Variants in ADAM22 observed in about 807,000 individuals in gnomAD.
ADAM22 encodes disintegrin and metalloproteinase domain-containing protein 22.
A neutral mutation model predicts 144.6 loss-of-function variants in ADAM22; 65 were observed. The ratio of observed to expected loss-of-function variants is 0.45; its 90% confidence interval spans 0.37 to 0.55. ADAM22 has a LOEUF of 0.55. Among genes scored for constraint, ADAM22 ranks in the 20% least tolerant of loss-of-function variants. The probability of loss-of-function intolerance (pLI) is 0.00; values close to 1 mark genes in which losing one functional copy is unlikely to be tolerated. For missense variants in ADAM22, 974 were observed against 1,184.9 expected (o/e 0.82, Z 2.61); for synonymous variants, 391 against 412.6 (o/e 0.95, Z 0.63).
chr7:88,069,423 A>G (rs1355454814), intron 3 of ADAM22, among the ~76,000 whole-genome samples: 1 of 152,148 alleles, frequency 6.6e-6, no homozygotes, highest in Non-Finnish European at 1.5e-5. Flanking sequence ...GCAGCACAAA[A>G]CAGACTAAGA....
chr7:88,068,316 T>G (rs1811826906), intron 3 of ADAM22, among the ~76,000 whole-genome samples: 1 of 152,182 alleles, frequency 6.6e-6, no homozygotes, highest in South Asian at 2.1e-4. Flanking sequence ...ATAATGAAAT[T>G]TGGATCCTTA....
At chr7:88,046,931 A>G (rs554922524) in intron 3 of ADAM22, among the ~76,000 whole-genome samples, 9 of 151,806 alleles carry the variant, frequency 5.9e-5, no homozygotes, top group African/African-American at 2.2e-4. Context: ...TAATAGTGGA[A>G]TGTGGTTGTT....
In ADAM22 at chr7:87,978,345, G is replaced by A; in HGVS notation, c.256G>A (p.Val86Ile). 1 of 1,613,148 alleles carries A rather than the reference G, an allele frequency of 6.2e-7. No individual in the cohort carries two copies. The highest frequency in any genetic ancestry group is 8.5e-7 in the Non-Finnish European group (1 of 1,179,582). Residue 86 changes from valine to isoleucine, a missense_variant, in exon 3 of 32, where the codon GTT (valine) becomes ATT (isoleucine). By Grantham distance (29) the Val-to-Ile change is conservative. Around this residue, in one of 2 missense-constraint regions of ADAM22, gnomAD observed 240 missense variants for 234.3 expected, o/e 1.02. Coordinates refer to ENST00000413139, the MANE Select transcript of ADAM22 (RefSeq NM_001324418.2). ...GDLGGPQLTH[V>I]DQASFQVDAF... is the part of the protein sequence containing the mutation. ...CTTTTTGATATTGTAGTTGACTCATGTTGACCAAGCAAGCTTCCAGGTTGA... is the reference window on the plus strand; with the variant it reads ...CTTTTTGATATTGTAGTTGACTCATATTGACCAAGCAAGCTTCCAGGTTGA...
In ADAM22 at chr7:88,075,682, T is replaced by A; in HGVS notation, c.380T>A (p.Val127Glu). The A allele has an allele frequency of 6.2e-7, 1 of 1,613,544 alleles. No individual in the cohort carries two copies. Among genetic ancestry groups the A allele is most frequent in the Non-Finnish European group, 8.5e-7 (1 of 1,179,784 alleles). Reference sequence around the variant, plus strand: ...CACATTGAACATGGAGGCAAGACTGTGGAAGTTAAAGTAAGTGAAATTTTC... The same window carrying A: ...CACATTGAACATGGAGGCAAGACTGAGGAAGTTAAAGTAAGTGAAATTTTC... ...ERHIEHGGKT[V>E]EVKGGEHCYY... The change falls in exon 4 of 32, where the codon GTG becomes GAG. Residue 127 changes from valine to glutamate, a missense_variant. By Grantham distance (121) the Val-to-Glu change is moderately radical. Coordinates refer to ENST00000413139, the MANE Select transcript of ADAM22 (RefSeq NM_001324418.2).
At chr7:88,108,115 A>C (rs1278876063) in intron 4 of ADAM22, 61 bp from the exon 5 acceptor site, 6 of 1,412,048 alleles carry the variant, frequency 4.2e-6, no homozygotes, top group Non-Finnish European at 5.9e-6. Context: ...ACCTCCTGTG[A>C]AATGAAGCAG....
intron 15 of ADAM22, 53 bp downstream of exon 15, chr7:88,143,178 A>G: frequency 1.6e-6 from 2 of 1,229,484 alleles, no homozygotes; most frequent in South Asian, 2.6e-5. Flanking sequence ...CCTTTCTAAA[A>G]TATTACAAAT....
At chr7:88,106,245 C>T (rs1272254710) in intron 4 of ADAM22, among the ~76,000 whole-genome samples, 1 of 152,082 alleles carries the variant, frequency 6.6e-6, no homozygotes, top group Non-Finnish European at 1.5e-5. Flanking sequence ...CAACCGCAAC[C>T]CTCAGTTCAT....
intron 22 of ADAM22, among the ~76,000 whole-genome samples, chr7:88,159,487 C>T (rs1002682895): frequency 6.6e-6 from 1 of 152,114 alleles, no homozygotes; most frequent in Non-Finnish European, 1.5e-5. Flanking sequence ...CCTTGATGAA[C>T]ATTGATTCAG....
chr7:88,167,348 A>G (rs1843181371), intron 24 of ADAM22, among the ~76,000 whole-genome samples: 3 of 152,238 alleles, frequency 2.0e-5, no homozygotes, highest in African/African-American at 7.2e-5. Flanking sequence ...CCTTTGACTC[A>G]TGGTGCCATT....
At chr7:88,054,552 T>TC (rs1807631889) in intron 3 of ADAM22, among the ~76,000 whole-genome samples, 1 of 150,036 alleles carries the variant, frequency 6.7e-6, no homozygotes, top group Non-Finnish European at 1.5e-5. Context: ...TCTGTTCCCT[T>TC]CCCCTAGAAC....
In ADAM22 at chr7:88,163,043, G is replaced by T; in HGVS notation, c.1939G>T (p.Asp647Tyr). 1 of 1,610,724 alleles carries T rather than the reference G, an allele frequency of 6.2e-7. No homozygotes were observed. The highest frequency in any genetic ancestry group is 8.5e-7 in the Non-Finnish European group (1 of 1,178,434). ...GCATGTTAAGCTTGAAGAAGATGTAGATCTTGGCTATGTGGAAGATGGGAC... is the reference window on the plus strand; with the variant it reads ...GCATGTTAAGCTTGAAGAAGATGTATATCTTGGCTATGTGGAAGATGGGAC... ...GGHVKLEEDV[D>Y]LGYVEDGTPC... Residue 647 changes from aspartate (D) to tyrosine (Y), a missense_variant, in exon 23 of 32, where the codon GAT becomes TAT. Physicochemically the swap from Asp to Tyr is radical, Grantham distance 160. This residue lies in a region of ADAM22 where 734 missense variants were observed against 950.6 expected (regional missense o/e 0.77). Coordinates refer to ENST00000413139, the MANE Select transcript of ADAM22 (RefSeq NM_001324418.2).
At chr7:88,178,868 AT>A in intron 26 of ADAM22, 66 bp from the exon 27 acceptor site, 1 of 946,126 alleles carries the variant, frequency 1.1e-6, no homozygotes, top group Non-Finnish European at 1.6e-6. Flanking sequence ...CTGAAATAAT[AT>A]TTGTATATGT....
chr7:88,153,444 C>CACAAAGTGTG, intron 21 of ADAM22, 118 bp downstream of exon 21: 1 of 735,410 alleles, frequency 1.4e-6, no homozygotes, highest in Non-Finnish European at 2.2e-6. Flanking sequence ...GCCTCCTTAA[C>CACAAAGTGTG]CTCATCTCTT....
At chr7:88,123,271 G>A (rs1024571274) in intron 7 of ADAM22, among the ~76,000 whole-genome samples, 1 of 151,800 alleles carries the variant, frequency 6.6e-6, no homozygotes, top group African/African-American at 2.4e-5. Context: ...CTTATAAGAT[G>A]TGTTAGGAAA....
intron 3 of ADAM22, among the ~76,000 whole-genome samples, chr7:88,043,346 G>A (rs1011212340): frequency 5.3e-5 from 8 of 151,984 alleles, no homozygotes; most frequent in Admixed American, 2.0e-4. Flanking sequence ...TTAGCCCGGC[G>A]TGGTGGCGGG....
chr7:88,112,968 C>A (rs779218840), intron 5 of ADAM22, among the ~76,000 whole-genome samples: 1 of 152,136 alleles, frequency 6.6e-6, no homozygotes, highest in Non-Finnish European at 1.5e-5. Context: ...GATTTCCCCC[C>A]GCCTTGGCCT....
rs1455353379 is a variant in ADAM22 at position 88,179,290 on chromosome 7, A to G, written c.2495+161A>G. Among the ~76,000 whole-genome samples, 4 of 152,128 alleles carry G rather than the reference A, an allele frequency of 2.6e-5. No individual in the cohort carries two copies. The East Asian group carries it at 5.8e-4, about 22-fold the overall frequency. ...CCAAACAATAACTCTGAATCTATATAGAAACCTCAGGGTTTTTCAGTCTTG... is the reference window on the plus strand; with the variant it reads ...CCAAACAATAACTCTGAATCTATATGGAAACCTCAGGGTTTTTCAGTCTTG... On this transcript the variant is annotated intron_variant, in intron 27 of 31. Transcript: ENST00000413139.
chr7:88,065,135 G>A (rs1810907643), intron 3 of ADAM22, among the ~76,000 whole-genome samples: 2 of 151,964 alleles, frequency 1.3e-5, no homozygotes, highest in African/African-American at 2.4e-5. Flanking sequence ...ATGACCTATA[G>A]TGCCACCACT....
At chr7:88,163,903 T>C (rs1842355542) in intron 23 of ADAM22, among the ~76,000 whole-genome samples, 1 of 152,128 alleles carries the variant, frequency 6.6e-6, no homozygotes, top group South Asian at 2.1e-4. Flanking sequence ...TGGCATTCTT[T>C]TTATTTTTGT....
Sources: allele counts gnomAD v4.1 joint callset (sites outside exome capture counted in the v4.1 genomes callset), GRCh38; gene constraint gnomAD v4.1.1; regional missense constraint gnomAD v4.1.1; transcripts MANE v1.5; gene names NCBI Gene and HGNC (gene_info 2026-07-23, HGNC 2026-07-21).